SCML2: variants seen among roughly 807,000 people sequenced by gnomAD.
SCML2 encodes the protein sex comb on midleg-like protein 2.
A neutral mutation model predicts 48.4 loss-of-function variants in SCML2; 6 were observed. The observed-to-expected ratio is 0.12, with a 90% CI of 0.07 to 0.24. SCML2 has a LOEUF of 0.24. SCML2 is among the 10% of genes least tolerant of loss of function. The pLI, the probability that SCML2 is intolerant of heterozygous loss-of-function variation, is 1.00. For missense variants in SCML2, 377 were observed against 528.2 expected (o/e 0.71, Z 2.81); for synonymous variants, 181 against 189.5 (o/e 0.95, Z 0.37).
In SCML2 at chrX:18,247,763, A is replaced by C; in HGVS notation, c.1570+6T>G. ...CCCAGTCCTGGGAGGTGTAAATGCTATTTACCTTCAGACGCATACTCCTTT... is the reference window on the plus strand; with the variant it reads ...CCCAGTCCTGGGAGGTGTAAATGCTCTTTACCTTCAGACGCATACTCCTTT... On this transcript the variant is annotated splice_donor_region_variant and intron_variant, in intron 12 of 14. Coordinates refer to ENST00000251900, the MANE Select transcript of SCML2 (RefSeq NM_006089.3). 1 of 1,147,799 alleles carries C rather than the reference A, an allele frequency of 8.7e-7. No homozygotes were observed. Among genetic ancestry groups the C allele is most frequent in the South Asian group, 1.8e-5 (1 of 54,957 alleles). 94.6% of individuals were successfully genotyped at this position (1,147,799 alleles called of 1,213,427 possible).
chrX:18,262,168 GA>G (rs1485148810), intron 8 of SCML2, among the ~76,000 whole-genome samples: 1 of 107,727 alleles, frequency 9.3e-6, no homozygotes, highest in Non-Finnish European at 1.9e-5. Flanking sequence ...TCAGCCACAA[GA>G]GATCTGAAAA....
chrX:18,327,984 T>C (rs1259792052), intron 3 of SCML2, among the ~76,000 whole-genome samples: 1 of 111,921 alleles, frequency 8.9e-6, no homozygotes, highest in Non-Finnish European at 1.9e-5. Flanking sequence ...ATGTCTTCAT[T>C]GACAGACTGG....
intron 7 of SCML2, among the ~76,000 whole-genome samples, chrX:18,300,008 G>C (rs1300808396): frequency 9.0e-6 from 1 of 111,104 alleles, no homozygotes; most frequent in African/African-American, 3.3e-5. Context: ...CCAAAGTGTA[G>C]AGATTATAGG....
At chrX:18,283,839 T>A (rs1389103406) in intron 7 of SCML2, among the ~76,000 whole-genome samples, 1 of 112,213 alleles carries the variant, frequency 8.9e-6, no homozygotes, top group Admixed American at 9.4e-5. Flanking sequence ...AGACTCAATA[T>A]CATTAAAACA....
chrX:18,274,813 CAG>C (rs747221751), intron 7 of SCML2, among the ~76,000 whole-genome samples: 6 of 111,886 alleles, frequency 5.4e-5, no homozygotes, highest in Admixed American at 9.4e-5. Flanking sequence ...TGATGAGAAA[CAG>C]GGGTCGGATA....
chrX:18,308,391 A>G (rs1200852856), intron 6 of SCML2, among the ~76,000 whole-genome samples: 1 of 107,994 alleles, frequency 9.3e-6, no homozygotes, highest in East Asian at 2.9e-4. Context: ...AGGACAACCT[A>G]CAGAAAGGGA....
At chrX:18,253,354 A>G (rs144211938) in intron 11 of SCML2, among the ~76,000 whole-genome samples, 1 of 111,617 alleles carries the variant, frequency 9.0e-6, no homozygotes, top group African/African-American at 3.3e-5. Flanking sequence ...TTTATATACA[A>G]TGTCCCATAT....
chrX:18,282,641 C>T (rs1927906114), intron 7 of SCML2, among the ~76,000 whole-genome samples: 1 of 111,149 alleles, frequency 9.0e-6, no homozygotes, highest in Non-Finnish European at 1.9e-5. Context: ...CTATCTCAAA[C>T]AAACAAACTA....
intron 5 of SCML2, among the ~76,000 whole-genome samples, chrX:18,322,450 C>T (rs184134922): frequency 1.4e-4 from 16 of 111,967 alleles, no homozygotes; most frequent in African/African-American, 4.2e-4. Context: ...CCTAGGATTG[C>T]ACTTATCTTT....
At chrX:18,281,223 A>T (rs139001560) in intron 7 of SCML2, among the ~76,000 whole-genome samples, 5,946 of 113,119 alleles carry the variant, frequency 0.053, 389 homozygotes, top group African/African-American at 0.18. Flanking sequence ...AAATACATGG[A>T]AATTAAACAA....
Position 18,305,156 on chromosome X carries a change from G to A in SCML2, c.546C>T (p.Asp182=). The change falls in exon 7 of 15, where the codon GAC becomes GAT. Residue 182 remains aspartate (D), a synonymous_variant. Transcript: ENST00000251900. ...GACAGATGAGATACGGGTTCTTTTT[G>A]TCAATAGCTTCCAGTTTCATCCCCA... ...FKVGMKLEAI[D]KKNPYLICPA... is the part of the protein sequence containing the mutation. The A allele has an allele frequency of 6.6e-6, 8 of 1,207,326 alleles. No homozygotes were observed. Among genetic ancestry groups the A allele is most frequent in the Non-Finnish European group, 7.8e-6 (7 of 893,110 alleles).
chrX:18,256,015 G>A lies in SCML2; in HGVS notation c.1456+833C>T, dbSNP rs1017996955. Reference sequence around the variant, plus strand: ...AACAAACAGCACTTGCATAAAAGCTGAAAGAGCTTTCTTGCTTTAGGGATC... The same window carrying A: ...AACAAACAGCACTTGCATAAAAGCTAAAAGAGCTTTCTTGCTTTAGGGATC... On this transcript the variant is annotated intron_variant, in intron 11 of 14. Coordinates refer to ENST00000251900, the MANE Select transcript of SCML2 (RefSeq NM_006089.3). Among the ~76,000 whole-genome samples, 8 of 112,325 alleles carry A rather than the reference G, an allele frequency of 7.1e-5. 1 individual carries two copies. Among genetic ancestry groups the A allele is most frequent in the African/African-American group, 2.6e-4 (8 of 30,917 alleles).
chrX:18,257,464 G>C (rs1253527008), intron 10 of SCML2, among the ~76,000 whole-genome samples: 1 of 111,828 alleles, frequency 8.9e-6, no homozygotes, highest in Admixed American at 9.5e-5. Context: ...GTAAAACGAA[G>C]AATCTGTGAC....
intron 7 of SCML2, among the ~76,000 whole-genome samples, chrX:18,303,296 A>G (rs1928653746): frequency 8.9e-6 from 1 of 112,082 alleles, no homozygotes. Context: ...TAAGAAAAAA[A>G]GAGAGAAGAA....
intron 1 of SCML2, among the ~76,000 whole-genome samples, chrX:18,343,196 T>C (rs1393605399): frequency 9.2e-6 from 1 of 109,016 alleles, no homozygotes; most frequent in Non-Finnish European, 1.9e-5. Flanking sequence ...TGTTTTGTTT[T>C]TAAGATAAGG....
intron 10 of SCML2, among the ~76,000 whole-genome samples, chrX:18,257,474 CTT>C (rs1249563371): frequency 3.6e-5 from 4 of 112,087 alleles, no homozygotes; most frequent in Non-Finnish European, 7.5e-5. Context: ...GAATCTGTGA[CTT>C]TTGTCCCAAT....
chrX:18,323,317 C>A (rs1036951780), intron 5 of SCML2, among the ~76,000 whole-genome samples: 14 of 111,993 alleles, frequency 1.3e-4, no homozygotes, highest in Non-Finnish European at 2.6e-4. Flanking sequence ...AAAATCTTTG[C>A]TAAAATCTCC....
chrX:18,271,597 T>G (rs977546723), intron 7 of SCML2, among the ~76,000 whole-genome samples: 1 of 110,114 alleles, frequency 9.1e-6, no homozygotes, highest in Admixed American at 9.7e-5. Context: ...GGAAAAATAT[T>G]AACAAGCAGA....
chrX:18,347,051 T>C (rs182367444), intron 1 of SCML2, among the ~76,000 whole-genome samples: 450 of 112,370 alleles, frequency 4.0e-3, no homozygotes, highest in Non-Finnish European at 7.0e-3. Flanking sequence ...TGTCACATTT[T>C]CTGACATAGT....
Sources: allele counts gnomAD v4.1 joint callset (sites outside exome capture counted in the v4.1 genomes callset), GRCh38; gene constraint gnomAD v4.1.1; transcripts MANE v1.5; gene names NCBI Gene and HGNC (gene_info 2026-07-23, HGNC 2026-07-21).